MAML3: variants seen among roughly 807,000 people sequenced by gnomAD.
MAML3 encodes the protein mastermind-like protein 3.
A neutral mutation model predicts 101.9 loss-of-function variants in MAML3; 27 were observed. The ratio of observed to expected loss-of-function variants is 0.27; its 90% CI spans 0.20 to 0.37. The LOEUF (loss-of-function observed/expected upper bound fraction) is 0.37, where lower values mean the gene tolerates loss of function less well. Among genes scored for constraint, MAML3 ranks in the 10% least tolerant of loss-of-function variants. The pLI is 1.00. For missense variants in MAML3, 1,316 were observed against 1,444.9 expected (o/e 0.91, Z 1.45); for synonymous variants, 501 against 555.9 (o/e 0.90, Z 1.39).
chr4:139,937,623 A>T (rs1397013147), intron 1 of MAML3, among the ~76,000 whole-genome samples: 1 of 152,058 alleles, frequency 6.6e-6, no homozygotes, highest in Non-Finnish European at 1.5e-5. Context: ...CCTGGCCTCG[A>T]GTGATCTGCC....
chr4:139,959,790 A>G (rs530408063), intron 1 of MAML3, among the ~76,000 whole-genome samples: 1 of 152,366 alleles, frequency 6.6e-6, no homozygotes, highest in African/African-American at 2.4e-5. Flanking sequence ...TTTATGTATA[A>G]CAAGTATAAA....
At chr4:139,783,165 C>T (rs1730246593) in intron 2 of MAML3, among the ~76,000 whole-genome samples, 1 of 152,182 alleles carries the variant, frequency 6.6e-6, no homozygotes, top group African/African-American at 2.4e-5. Flanking sequence ...CTTTTGTCCT[C>T]TGTCTATCTG....
At chr4:139,943,850 G>A (rs1434552703) in intron 1 of MAML3, among the ~76,000 whole-genome samples, 3 of 120,756 alleles carry the variant, frequency 2.5e-5, no homozygotes, top group Admixed American at 1.5e-4. Flanking sequence ...GTTGGGTTGT[G>A]GGCCTAAAGA....
intron 2 of MAML3, among the ~76,000 whole-genome samples, chr4:139,881,620 T>C (rs1326392695): frequency 1.3e-5 from 2 of 152,198 alleles, no homozygotes; most frequent in Non-Finnish European, 1.5e-5. Context: ...AAAAGCTTCT[T>C]TTATGAAAGA....
chr4:139,890,698 A>G lies in MAML3; in HGVS notation c.738T>C (p.Asn246=). 1 of 1,614,036 alleles carries G rather than the reference A, an allele frequency of 6.2e-7. No individual in the cohort carries two copies. Among genetic ancestry groups the G allele is most frequent in the Non-Finnish European group, 8.5e-7 (1 of 1,179,900 alleles). The change falls in exon 2 of 5, where the codon AAT becomes AAC. Residue 246 remains asparagine, a synonymous_variant. Transcript: ENST00000509479. This position sits in a 1 kb window ranked among gnomAD's most constrained non-coding sequence, Gnocchi z 4.1. ...TPGLLEDLSK[N]GRLPEIKLPV... ...GAAGTTTAATCTCAGGGAGCCTACC[A>G]TTCTTACTTAGATCTTCTAGAAGCC... is the stretch of plus-strand genomic sequence containing the variant.
intron 2 of MAML3, among the ~76,000 whole-genome samples, chr4:139,858,723 C>T (rs929660613): frequency 6.6e-6 from 1 of 152,132 alleles, no homozygotes; most frequent in Non-Finnish European, 1.5e-5. Flanking sequence ...CTGCTCCCGA[C>T]CGCTCTGTGA....
At chr4:139,916,679 C>A (rs1200240144) in intron 1 of MAML3, among the ~76,000 whole-genome samples, 1 of 152,224 alleles carries the variant, frequency 6.6e-6, no homozygotes, top group African/African-American at 2.4e-5. Context: ...CAGCCACTGC[C>A]TTCACCCAGG....
Position 139,719,984 on chromosome 4 carries a change from A to G in MAML3, c.2756T>C (p.Met919Thr). Residue 919 changes from methionine to threonine, a missense_variant, in exon 5 of 5, where the codon ATG (methionine) becomes ACG (threonine). Coordinates refer to ENST00000509479, the MANE Select transcript of MAML3 (RefSeq NM_018717.5). Reference sequence around the variant, plus strand: ...CTGGGTAATGGCTGAGTTCACCAGCATGCTCTGACCAAAGCCACTCACCAT... The same window carrying G: ...CTGGGTAATGGCTGAGTTCACCAGCGTGCTCTGACCAAAGCCACTCACCAT... Reference protein sequence around the residue: ...VGMVSGFGQSMLVNSAITQQH... With the variant: ...VGMVSGFGQSTLVNSAITQQH... 6.2e-7 allele frequency: 1 copy of G among 1,614,088 alleles called. No homozygotes were observed. Among genetic ancestry groups the G allele is most frequent in the South Asian group, 1.1e-5 (1 of 91,088 alleles).
intron 1 of MAML3, among the ~76,000 whole-genome samples, chr4:139,921,362 CTCAT>C (rs1180560317): frequency 1.3e-5 from 2 of 152,144 alleles, no homozygotes; most frequent in Non-Finnish European, 2.9e-5. Flanking sequence ...AGTTTTCAGT[CTCAT>C]ACCCTCTCCT....
chr4:139,740,391 T>C (rs1006515478), intron 2 of MAML3: 1 of 152,158 alleles, frequency 6.6e-6, no homozygotes, highest in African/African-American at 2.4e-5. Flanking sequence ...GGCATGCAAG[T>C]GGCCGCTGTC....
intron 2 of MAML3, among the ~76,000 whole-genome samples, chr4:139,828,732 T>TAAAAAAA (rs529918429): frequency 0.016 from 2,255 of 144,440 alleles, 63 homozygotes; most frequent in African/African-American, 0.05. Context: ...TTTTTTTTTT[T>TAAAAAAA]AAAAACATAG....
intron 2 of MAML3, among the ~76,000 whole-genome samples, chr4:139,864,800 G>A (rs1312394858): frequency 1.3e-5 from 2 of 151,538 alleles, no homozygotes; most frequent in African/African-American, 2.4e-5. Flanking sequence ...GGAGCAAGAG[G>A]GACAATGTTA....
At chr4:139,771,703 A>G (rs2111068002) in intron 2 of MAML3, among the ~76,000 whole-genome samples, 1 of 152,274 alleles carries the variant, frequency 6.6e-6, no homozygotes, top group South Asian at 2.1e-4. Flanking sequence ...ATTTAACTGC[A>G]AATTCCCCAG....
intron 2 of MAML3, among the ~76,000 whole-genome samples, chr4:139,737,370 C>T (rs770290571): frequency 8.2e-5 from 7 of 85,210 alleles, no homozygotes; most frequent in Admixed American, 4.8e-4. Flanking sequence ...CTGGTGGTGG[C>T]GTCTCTGGGA....
intron 1 of MAML3, among the ~76,000 whole-genome samples, chr4:140,092,277 ATCT>A (rs1295268470): frequency 6.6e-6 from 1 of 151,756 alleles, no homozygotes; most frequent in African/African-American, 2.4e-5. Flanking sequence ...CTTTCAGAAA[ATCT>A]TCAAGGTAAA....
intron 1 of MAML3, among the ~76,000 whole-genome samples, chr4:140,107,904 G>A (rs1158109383): frequency 2.0e-5 from 3 of 150,782 alleles, no homozygotes; most frequent in South Asian, 2.1e-4. Context: ...AAAAGGCACC[G>A]AGAGGAACAA....
At chr4:139,746,857 A>G (rs1380368966) in intron 2 of MAML3, among the ~76,000 whole-genome samples, 1 of 152,156 alleles carries the variant, frequency 6.6e-6, no homozygotes, top group Non-Finnish European at 1.5e-5. Context: ...TCCTTTGATC[A>G]AGTAAAGGTA....
In MAML3 at chr4:140,104,408, A is replaced by ATATAATATATATATATTATATATATT. The variant is rs368174569; in HGVS notation, c.468+48451_468+48452insAATATATATAATATATATATATTATA. Among the ~76,000 whole-genome samples the ATATAATATATATATATTATATATATT allele has an allele frequency of 7.3e-5, 4 of 54,968 alleles. No homozygotes were observed. In the Admixed American group the frequency reaches 9.2e-4, roughly 13 times the overall value. The allele number at this position is 54,968 out of a possible 152,430, so 36.1% of individuals were successfully genotyped here. ...ATATATTATATATTATATAATATAT[A>ATATAATATATATATATTATATATATT]ATATAATATATAATATACACGAATG... On this transcript the variant is annotated intron_variant, in intron 1 of 4. Coordinates refer to ENST00000509479, the MANE Select transcript of MAML3 (RefSeq NM_018717.5).
chr4:140,151,893 T>G (rs1729177390), intron 1 of MAML3, among the ~76,000 whole-genome samples: 1 of 152,180 alleles, frequency 6.6e-6, no homozygotes, highest in South Asian at 2.1e-4. Context: ...TTAAGCCTCT[T>G]TTACCTCCCT....
Sources: gnomAD v4.1 joint callset for allele counts (sites outside exome capture counted in the v4.1 genomes callset) on GRCh38, gnomAD v4.1.1 for gene constraint, Gnocchi (gnomAD v3.1) non-coding constraint, MANE v1.5 for transcripts, NCBI Gene and HGNC (gene_info 2026-07-23, HGNC 2026-07-21) for gene names.